The following PRPF6 variants were observed in gnomAD, a reference collection of about 807,000 sequenced individuals.
PRPF6 encodes the protein pre-mRNA-processing factor 6.
In PRPF6, 42 loss-of-function variants were observed where a neutral mutation model predicts 118.3. The ratio of observed to expected loss-of-function variants is 0.35; its 90% CI spans 0.28 to 0.46. The LOEUF is 0.46. PRPF6 is among the 20% of genes least tolerant of loss of function. The pLI is 1.00. For missense variants in PRPF6, 662 were observed against 1,255.7 expected, an observed-to-expected ratio of 0.53 and a Z score of 7.15; for synonymous variants, 481 against 485.1, an observed-to-expected ratio of 0.99 and a Z score of 0.11.
intron 10 of PRPF6, 57 bp downstream of exon 10, chr20:64,010,375 G>C (rs757693679): frequency 2.9e-6 from 4 of 1,368,828 alleles, no homozygotes; most frequent in Non-Finnish European, 4.1e-6. Context: ...CCTGAGCCCA[G>C]GTTCAGTGTC....
chr20:64,008,340 CGTTTCCTGTATCCTCT>C (rs374149858), intron 9 of PRPF6, among the ~76,000 whole-genome samples: 2,242 of 152,188 alleles, frequency 0.015, 55 homozygotes, highest in African/African-American at 0.051. Context: ...ATGTGGGTCT[CGTTTCCTGTATCCTCT>C]GTTTCCTGTA....
chr20:64,021,550 G>A (rs1351754691), intron 12 of PRPF6, among the ~76,000 whole-genome samples: 1 of 147,840 alleles, frequency 6.8e-6, no homozygotes, highest in East Asian at 2.0e-4. Flanking sequence ...CCCCGTGTCT[G>A]TGTGTGTGTG....
In PRPF6 at chr20:64,029,985, C is replaced by G. The variant is rs957741364; in HGVS notation, c.2546+494C>G. 6.6e-6 allele frequency among the ~76,000 whole-genome samples: 1 copy of G among 152,208 alleles called. No individual in the cohort carries two copies. Among genetic ancestry groups the G allele is most frequent in the African/African-American group, 2.4e-5 (1 of 41,448 alleles). On this transcript the variant is annotated intron_variant, in intron 19 of 20. Transcript: ENST00000266079. The surrounding 1 kb of genome is among the most constrained non-coding windows in gnomAD (Gnocchi z 4.8). ...TCACTGGGGACGCGTGTGATTCACA[C>G]TGGTGCGCTGGCCGCTGGGTCAGAG...
chr20:64,007,812 C>G (rs962844512), intron 9 of PRPF6, among the ~76,000 whole-genome samples: 2 of 152,118 alleles, frequency 1.3e-5, no homozygotes, highest in African/African-American at 2.4e-5. Flanking sequence ...GAGTCTCTCT[C>G]TGTCACCCAG....
At chr20:64,021,503 CTG>C (rs1200873255) in intron 12 of PRPF6, among the ~76,000 whole-genome samples, 2 of 121,094 alleles carry the variant, frequency 1.7e-5, no homozygotes, top group African/African-American at 3.3e-5. Context: ...AGCCCTGTGT[CTG>C]TGTGTGTGCA....
intron 1 of PRPF6, among the ~76,000 whole-genome samples, chr20:63,981,872 A>G (rs1042319762): frequency 5.3e-5 from 8 of 152,240 alleles, no homozygotes; most frequent in African/African-American, 1.9e-4. Context: ...ACCATAAATA[A>G]GTACGTAAAG....
intron 12 of PRPF6, 128 bp from the exon 13 acceptor site, chr20:64,022,629 T>G: frequency 7.0e-7 from 1 of 1,438,044 alleles, no homozygotes; most frequent in East Asian, 2.3e-5. Flanking sequence ...TCTAATTAGA[T>G]AAAACACTGT....
At chr20:64,006,675 C>T (rs1300550212) in intron 9 of PRPF6, among the ~76,000 whole-genome samples, 3 of 152,166 alleles carry the variant, frequency 2.0e-5, no homozygotes, top group Non-Finnish European at 4.4e-5. Flanking sequence ...GGACTCTTGG[C>T]AGTGGAGACG....
intron 9 of PRPF6, among the ~76,000 whole-genome samples, chr20:64,003,487 G>T (rs2059176669): frequency 6.6e-6 from 1 of 152,230 alleles, no homozygotes; most frequent in Non-Finnish European, 1.5e-5. Flanking sequence ...GCTTGCCTGT[G>T]ATGCATGTTC....
intron 8 of PRPF6, among the ~76,000 whole-genome samples, chr20:64,000,655 G>C (rs546057438): frequency 6.6e-6 from 1 of 150,800 alleles, no homozygotes; most frequent in East Asian, 2.0e-4. Context: ...TGCAACCTCT[G>C]CCTCCCGGGT....
At chr20:63,997,288 CTTTT>C (rs928046111) in intron 6 of PRPF6, among the ~76,000 whole-genome samples, 1 of 112,664 alleles carries the variant, frequency 8.9e-6, no homozygotes, top group Non-Finnish European at 1.8e-5. Flanking sequence ...TCAGCATGTT[CTTTT>C]TTTTTTTTTT....
intron 9 of PRPF6, among the ~76,000 whole-genome samples, chr20:64,002,552 T>A (rs1029203666): frequency 6.7e-6 from 1 of 149,816 alleles, no homozygotes; most frequent in Non-Finnish European, 1.5e-5. Context: ...GCCGGGCTGG[T>A]CTCAAACTCC....
chr20:64,021,872 G>A (rs137975643), intron 12 of PRPF6, among the ~76,000 whole-genome samples: 92 of 111,124 alleles, frequency 8.3e-4, no homozygotes, highest in African/African-American at 2.8e-3. Flanking sequence ...CATGTGCCTC[G>A]GCCACAGCCC....
At chr20:63,991,587 C>T (rs531748656) in intron 3 of PRPF6, among the ~76,000 whole-genome samples, 2 of 152,022 alleles carry the variant, frequency 1.3e-5, no homozygotes, top group African/African-American at 4.8e-5. Context: ...GTCAGGAGAT[C>T]GAGACCATCC....
chr20:64,023,485 C>T (rs527557239), intron 13 of PRPF6, among the ~76,000 whole-genome samples: 2 of 152,200 alleles, frequency 1.3e-5, no homozygotes, highest in African/African-American at 4.8e-5. Context: ...CCCAGGTCCT[C>T]GGGTGATGCT....
At position 64,026,077 on chromosome 20, in the gene PRPF6, G is replaced by A; in HGVS notation, c.2028+19G>A. On this transcript the variant is annotated intron_variant, in intron 15 of 20. Coordinates refer to ENST00000266079, the MANE Select transcript of PRPF6 (RefSeq NM_012469.4). The surrounding 1 kb of genome is among the most constrained non-coding windows in gnomAD (Gnocchi z 4.4). Reference sequence around the variant, plus strand: ...CGCCCGGGTACGCAGTGGCAGGCAGGGCTGGGCCGTCTGGGGTGCATGGTG... The same window carrying A: ...CGCCCGGGTACGCAGTGGCAGGCAGAGCTGGGCCGTCTGGGGTGCATGGTG... 1 of 1,600,290 alleles carries A rather than the reference G, an allele frequency of 6.2e-7. No homozygotes were observed. The highest frequency in any genetic ancestry group is 1.1e-5 in the South Asian group (1 of 91,030).
rs768889486 is a variant in PRPF6, at chr20:63,993,493, G to A, written c.438+8G>A. The A allele has an allele frequency of 1.4e-5, 22 of 1,605,866 alleles. No individual in the cohort carries two copies. The highest frequency in any genetic ancestry group is 3.3e-5 in the Admixed American group (2 of 59,896). ...CAGTTCTCAGACCTCAAGGTGAGCC[G>A]ATGAAGCGGTGAATGGTGTGCGGTT... On this transcript the variant is annotated splice_region_variant and intron_variant, in intron 4 of 20. Coordinates refer to ENST00000266079, the MANE Select transcript of PRPF6 (RefSeq NM_012469.4).
rs555017104 is a variant in PRPF6, at chr20:63,984,710, TG to T, written c.241-192del. ...TCATGTCTCCTTGGTCCCTTCCAAT[TG>T]GGGGTCTCCTCTGTCTTCCATGCCC... On this transcript the variant is annotated intron_variant, in intron 2 of 20. Coordinates refer to ENST00000266079, the MANE Select transcript of PRPF6 (RefSeq NM_012469.4). Among the ~76,000 whole-genome samples the T allele has an allele frequency of 4.1e-3, 618 of 152,290 alleles. 3 individuals are homozygous for T. The highest frequency in any genetic ancestry group is 0.01 in the Middle Eastern group (3 of 294).
chr20:63,987,182 A>G (rs1166016857), intron 3 of PRPF6, among the ~76,000 whole-genome samples: 1 of 146,682 alleles, frequency 6.8e-6, no homozygotes, highest in African/African-American at 2.5e-5. Flanking sequence ...AAAAAAAAAA[A>G]AAAAAAAGGG....
Sources: allele counts gnomAD v4.1 joint callset (sites outside exome capture counted in the v4.1 genomes callset), GRCh38; gene constraint gnomAD v4.1.1; non-coding constraint Gnocchi (gnomAD v3.1); transcripts MANE v1.5; gene names NCBI Gene and HGNC (gene_info 2026-07-23, HGNC 2026-07-21).